The following AKAP3 variants were observed in gnomAD, a reference collection of about 807,000 sequenced individuals.
The protein encoded by AKAP3 is A-kinase anchoring protein 3.
Under a neutral mutation model 57.2 loss-of-function variants are expected in AKAP3, and 27 were observed. That is an observed-to-expected ratio of 0.47 (90% CI 0.35 to 0.65). The LOEUF (loss-of-function observed/expected upper bound fraction) is 0.65. Ranked by LOEUF, AKAP3 falls within the 30% of genes least tolerant of loss-of-function variation. The pLI, the probability that AKAP3 is intolerant of heterozygous loss-of-function variation, is 0.01. For synonymous variants in AKAP3, 334 were observed against 392.3 expected, an observed-to-expected ratio of 0.85 and a Z score of 1.76; for missense variants, 959 against 1,040.0, an observed-to-expected ratio of 0.92 and a Z score of 1.07.
intron 5 of AKAP3, among the ~76,000 whole-genome samples, chr12:4,623,693 CGT>C (rs771476858): frequency 1.5e-4 from 23 of 152,122 alleles, no homozygotes; most frequent in East Asian, 1.9e-4. Context: ...ACAACAAACC[CGT>C]GTGACATGAG....
chr12:4,632,767 A>T (rs1945514407), intron 4 of AKAP3, among the ~76,000 whole-genome samples: 1 of 151,998 alleles, frequency 6.6e-6, no homozygotes, highest in African/African-American at 2.4e-5. Flanking sequence ...CAGCCTCCCG[A>T]GTAGCTGGGA....
intron 5 of AKAP3, among the ~76,000 whole-genome samples, chr12:4,622,115 C>T (rs905512392): frequency 4.6e-5 from 7 of 151,938 alleles, no homozygotes; most frequent in African/African-American, 1.7e-4. Flanking sequence ...AAACACTGCT[C>T]GAAGAAATCG....
Position 4,626,516 on chromosome 12 carries a change from C to T in AKAP3, c.2386G>A (p.Asp796Asn). The change falls in exon 5 of 6, where the codon GAT (aspartate) becomes AAT (asparagine). Residue 796 changes from aspartate to asparagine, a missense_variant. Transcript: ENST00000228850. ...CTTACCTTCTCCTGGATCCCTTCAT[C>T]ATCACCAGCAAAATACAAAATAGGG... ...NVPILYFAGD[D>N]EGIQEKLLQL... 1 of 1,613,994 alleles carries T rather than the reference C, an allele frequency of 6.2e-7. No individual in the cohort carries two copies. The highest frequency in any genetic ancestry group is 8.5e-7 in the Non-Finnish European group (1 of 1,179,940).
chr12:4,634,612 G>A (rs542386483), intron 4 of AKAP3, among the ~76,000 whole-genome samples: 1 of 152,150 alleles, frequency 6.6e-6, no homozygotes, highest in African/African-American at 2.4e-5. Context: ...CAGACACCTG[G>A]TTTATTTCAT....
intron 5 of AKAP3, among the ~76,000 whole-genome samples, chr12:4,617,659 A>G (rs545744769): frequency 1.5e-3 from 227 of 152,098 alleles, no homozygotes; most frequent in Non-Finnish European, 4.6e-4. Flanking sequence ...GGCGGAGGCA[A>G]GAGAATTGCT....
At position 4,642,013 on chromosome 12, in the gene AKAP3, G is replaced by A. The variant is rs1443972914; in HGVS notation, c.-106-9C>T. 1 of 152,146 alleles carries A rather than the reference G, an allele frequency of 6.6e-6. No homozygotes were observed. Among genetic ancestry groups the A allele is most frequent in the Non-Finnish European group, 1.5e-5 (1 of 68,018 alleles). 9.4% of individuals were successfully genotyped at this position (152,146 alleles called of 1,614,324 possible). A position where few individuals can be genotyped will look rare whatever the true frequency, so the allele number is the denominator to read the frequency against. On this transcript the variant is annotated splice_polypyrimidine_tract_variant and intron_variant, in intron 2 of 5. Coordinates refer to ENST00000228850, the MANE Select transcript of AKAP3 (RefSeq NM_001278309.2). ...CATGTAATATAAGGAATCTGCAATG[G>A]AAAGACACAGATAAAAATGACTAAT...
At chr12:4,630,928 G>A (rs1328030685) in intron 4 of AKAP3, among the ~76,000 whole-genome samples, 1 of 151,974 alleles carries the variant, frequency 6.6e-6, no homozygotes, top group Admixed American at 6.6e-5. Flanking sequence ...TTTTATATAT[G>A]TATGGGAGTC....
chr12:4,644,151 T>C (rs530060424), intron 2 of AKAP3, among the ~76,000 whole-genome samples: 1 of 152,352 alleles, frequency 6.6e-6, no homozygotes, highest in African/African-American at 2.4e-5. Flanking sequence ...CCATTCATTG[T>C]TAAGCTTTCC....
At chr12:4,622,013 T>C (rs1052139129) in intron 5 of AKAP3, among the ~76,000 whole-genome samples, 3 of 152,032 alleles carry the variant, frequency 2.0e-5, no homozygotes, top group Non-Finnish European at 2.9e-5. Flanking sequence ...GAAAAAGGCC[T>C]ACAATGCAAT....
intron 4 of AKAP3, among the ~76,000 whole-genome samples, chr12:4,629,221 A>C (rs1945467586): frequency 6.6e-6 from 1 of 152,184 alleles, no homozygotes; most frequent in Non-Finnish European, 1.5e-5. Context: ...TTAAGATTGG[A>C]TAGTCTGCCA....
In AKAP3 at chr12:4,626,821, T is replaced by A. The variant is rs1565551488; in HGVS notation, c.2081A>T (p.Glu694Val). 6.2e-7 allele frequency: 1 copy of A among 1,614,186 alleles called. No homozygotes were observed. The highest frequency in any genetic ancestry group is 1.3e-5 in the African/African-American group (1 of 75,072). The stretch of plus-strand genomic sequence containing the variant: ...ATCTCCAGACTTGTCATCTCCCAGC[T>A]CTGCCAACGAAGCATCACAGGACTT... ...IAKSCDASLA[E>V]LGDDKSGDAS... The change falls in exon 5 of 6, where the codon GAG becomes GTG. Residue 694 changes from glutamate to valine, a missense_variant. Physicochemically the swap from Glu to Val is moderately radical, Grantham distance 121. Coordinates refer to ENST00000228850, the MANE Select transcript of AKAP3 (RefSeq NM_001278309.2).
chr12:4,630,474 AAAG>A (rs1245859818), intron 4 of AKAP3, among the ~76,000 whole-genome samples: 1 of 150,058 alleles, frequency 6.7e-6, no homozygotes, highest in African/African-American at 2.5e-5. Flanking sequence ...AAAGAAAAGA[AAAG>A]AAAAGAAAAG....
chr12:4,637,780 T>C (rs892294196), intron 4 of AKAP3, among the ~76,000 whole-genome samples: 3 of 152,150 alleles, frequency 2.0e-5, no homozygotes, highest in African/African-American at 7.2e-5. Flanking sequence ...TCCTCTCTGT[T>C]TGAAAATTAA....
intron 4 of AKAP3, among the ~76,000 whole-genome samples, chr12:4,631,750 C>A (rs916745373): frequency 6.6e-6 from 1 of 151,942 alleles, no homozygotes; most frequent in Non-Finnish European, 1.5e-5. Flanking sequence ...TTTTAGAAAC[C>A]CAAATTCACA....
Position 4,615,662 on chromosome 12 carries a change from A to G in AKAP3, c.*77T>C. 1 of 1,516,812 alleles carries G rather than the reference A, an allele frequency of 6.6e-7. No individual in the cohort carries two copies. Among genetic ancestry groups the G allele is most frequent in the South Asian group, 1.3e-5 (1 of 79,716 alleles). 94.0% of individuals were successfully genotyped at this position (1,516,812 alleles called of 1,614,324 possible). On this transcript the variant is annotated 3_prime_UTR_variant, in exon 6 of 6. Coordinates refer to ENST00000228850, the MANE Select transcript of AKAP3 (RefSeq NM_001278309.2). ...GCTCTGTGAGGATATAGAGGGGGAG[A>G]TGTGGAAGTGAGAAAGAAGGGCGGG...
rs1945453625 is a variant in AKAP3 at position 4,628,391 on chromosome 12, G to A, written c.511C>T (p.Leu171Phe). 6.2e-7 allele frequency: 1 copy of A among 1,614,060 alleles called. No individual in the cohort carries two copies. The highest frequency in any genetic ancestry group is 1.3e-5 in the African/African-American group (1 of 74,936). ...MGNEPTPTKS[L>F]SKIASELVNE... ...ACAAGCTCTGATGCTATCTTACTGA[G>A]GCTTTTGGTGGGTGTGGGTTCATTC... Residue 171 changes from leucine (L) to phenylalanine (F), a missense_variant, in exon 5 of 6, where the codon CTC (leucine) becomes TTC (phenylalanine). Physicochemically the swap from Leu to Phe is conservative, Grantham distance 22. Coordinates refer to ENST00000228850, the MANE Select transcript of AKAP3 (RefSeq NM_001278309.2).
At chr12:4,623,701 A>G (rs1945372110) in intron 5 of AKAP3, among the ~76,000 whole-genome samples, 2 of 152,278 alleles carry the variant, frequency 1.3e-5, no homozygotes, top group African/African-American at 4.8e-5. Context: ...CCCGTGTGAC[A>G]TGAGTTTACC....
At position 4,626,743 on chromosome 12, in the gene AKAP3, G is replaced by C. The variant is rs1358819736; in HGVS notation, c.2159C>G (p.Ala720Gly). Residue 720 changes from alanine (A) to glycine (G), a missense_variant, in exon 5 of 6, where the codon GCC becomes GGC. Transcript: ENST00000228850. ...AGCTTCTGCTGACCCTGTGCCCTTG[G>C]CTGGTAAGCACTCATATAAACTATC... ...FPDSLYECLP[A>G]KGTGSAEAVL... 1 of 1,614,044 alleles carries C rather than the reference G, an allele frequency of 6.2e-7. No individual in the cohort carries two copies. The highest frequency in any genetic ancestry group is 8.5e-7 in the Non-Finnish European group (1 of 1,179,998).
intron 5 of AKAP3, among the ~76,000 whole-genome samples, chr12:4,626,294 T>C (rs1945410818): frequency 6.6e-6 from 1 of 152,102 alleles, no homozygotes; most frequent in Non-Finnish European, 1.5e-5. Context: ...TTTATCCCCC[T>C]GTTCCCCTTT....
Sources: allele counts gnomAD v4.1 joint callset (sites outside exome capture counted in the v4.1 genomes callset), GRCh38; gene constraint gnomAD v4.1.1; transcripts MANE v1.5; gene names NCBI Gene and HGNC (gene_info 2026-07-23, HGNC 2026-07-21).